The following PAQR5 variants were observed in gnomAD, a reference collection of about 807,000 sequenced individuals.
PAQR5 encodes the protein membrane progestin receptor gamma.
PAQR5 carries 20 observed loss-of-function variants against 34.5 expected under a neutral mutation model. The ratio of observed to expected loss-of-function variants is 0.58; its 90% CI spans 0.41 to 0.84. The LOEUF (loss-of-function observed/expected upper bound fraction) is 0.84. Ranked by LOEUF, PAQR5 falls within the 40% of genes least tolerant of loss-of-function variation. The pLI, the probability that PAQR5 is intolerant of heterozygous loss-of-function variation, is 0.00. For synonymous variants in PAQR5, 131 were observed against 155.6 expected (o/e 0.84, Z 1.18); for missense variants, 378 against 412.7 (o/e 0.92, Z 0.73).
intron 2 of PAQR5, among the ~76,000 whole-genome samples, chr15:69,338,750 T>A (rs1329789606): frequency 1.3e-5 from 2 of 152,350 alleles, no homozygotes; most frequent in Middle Eastern, 3.4e-3. Context: ...ACTGACTCCA[T>A]CTTGCTTCTA....
At chr15:69,349,646 T>A (rs781244196) in intron 2 of PAQR5, among the ~76,000 whole-genome samples, 7 of 151,812 alleles carry the variant, frequency 4.6e-5, no homozygotes, top group Non-Finnish European at 5.9e-5. Flanking sequence ...TTTTATTTTT[T>A]TTTTTATTTT....
rs1023030266 is a variant in PAQR5, at chr15:69,385,374, C to T, written c.385+492C>T. Among the ~76,000 whole-genome samples the T allele has an allele frequency of 6.6e-6, 1 of 152,176 alleles. No individual in the cohort carries two copies. Among genetic ancestry groups the T allele is most frequent in the Non-Finnish European group, 1.5e-5 (1 of 68,036 alleles). ...CTCACAGGCCAGAATGAACTGACTCCAGTACATCAGTGCTGGTCTCTGTCA... is the reference window on the plus strand; with the variant it reads ...CTCACAGGCCAGAATGAACTGACTCTAGTACATCAGTGCTGGTCTCTGTCA... On this transcript the variant is annotated intron_variant, in intron 5 of 8. Coordinates refer to ENST00000395407, the MANE Select transcript of PAQR5 (RefSeq NM_017705.4). This position sits in a 1 kb window ranked among gnomAD's most constrained non-coding sequence, Gnocchi z 4.7.
chr15:69,311,762 C>T (rs2053839011), intron 1 of PAQR5, among the ~76,000 whole-genome samples: 2 of 152,238 alleles, frequency 1.3e-5, no homozygotes, highest in Non-Finnish European at 2.9e-5. Flanking sequence ...TGGTGATTCC[C>T]CTGCAGCCAC....
At chr15:69,395,787 G>GA (rs569256282) in intron 6 of PAQR5, among the ~76,000 whole-genome samples, 1 of 152,192 alleles carries the variant, frequency 6.6e-6, no homozygotes, top group South Asian at 2.1e-4. Context: ...TTTCGGGGGG[G>GA]ATGATGCATC....
intron 1 of PAQR5, among the ~76,000 whole-genome samples, chr15:69,332,528 C>CTT (rs1312705679): frequency 6.6e-6 from 1 of 152,098 alleles, no homozygotes; most frequent in Non-Finnish European, 1.5e-5. Context: ...CTCTAGGCTC[C>CTT]TTCTGGGGAG....
intron 3 of PAQR5, among the ~76,000 whole-genome samples, chr15:69,366,527 A>G (rs1243678185): frequency 1.3e-5 from 2 of 152,158 alleles, no homozygotes; most frequent in Non-Finnish European, 2.9e-5. Context: ...TGGAGTTTTT[A>G]TACTACTGAT....
intron 3 of PAQR5, among the ~76,000 whole-genome samples, chr15:69,371,716 G>A (rs2055567832): frequency 6.6e-6 from 1 of 152,028 alleles, no homozygotes; most frequent in Admixed American, 6.6e-5. Flanking sequence ...TGCATTTTAT[G>A]TGCGACTCCT....
chr15:69,391,016 C>T (rs1052100945), intron 6 of PAQR5, among the ~76,000 whole-genome samples: 2 of 152,132 alleles, frequency 1.3e-5, no homozygotes, highest in African/African-American at 4.8e-5. Flanking sequence ...CTGAATAGGG[C>T]CAAGGCTGGT....
At chr15:69,393,638 T>C (rs2056332107) in intron 6 of PAQR5, among the ~76,000 whole-genome samples, 1 of 151,988 alleles carries the variant, frequency 6.6e-6, no homozygotes, top group South Asian at 2.1e-4. Flanking sequence ...CCGGCTGCAG[T>C]TGGGCAGGAG....
chr15:69,389,889 T>C, intron 6 of PAQR5, 109 bp downstream of exon 6: 1 of 1,335,860 alleles, frequency 7.5e-7, no homozygotes, highest in East Asian at 2.3e-5. Context: ...AAAAGGTGCT[T>C]GGGAACCTAG....
intron 2 of PAQR5, among the ~76,000 whole-genome samples, chr15:69,357,254 GTGTTTGTT>G (rs3084830): frequency 6.7e-6 from 1 of 149,482 alleles, no homozygotes; most frequent in African/African-American, 2.5e-5. Flanking sequence ...CAGTCTCAGG[GTGTTTGTT>G]TGTTTGTTTG....
chr15:69,352,352 C>T lies in PAQR5; in HGVS notation c.-115-7614C>T, dbSNP rs74379741. On this transcript the variant is annotated intron_variant, in intron 2 of 8. Transcript: ENST00000395407. The stretch of plus-strand genomic sequence containing the variant: ...ATGAACTGAATGTTATCTGATCCAC[C>T]AAGCCATAAAGTTGGGCATGCACAG... Among the ~76,000 whole-genome samples the T allele has an allele frequency of 6.0e-3, 921 of 152,288 alleles. 17 individuals are homozygous for T. Among genetic ancestry groups the T allele is most frequent in the African/African-American group, 0.021 (882 of 41,566 alleles).
At chr15:69,322,814 A>AGAG (rs2054156744) in intron 1 of PAQR5, among the ~76,000 whole-genome samples, 2 of 142,594 alleles carry the variant, frequency 1.4e-5, no homozygotes, top group Admixed American at 7.2e-5. Context: ...AGGAAGAGGA[A>AGAG]GAAGAAGAAG....
At chr15:69,361,793 G>A (rs1267183637) in intron 3 of PAQR5, among the ~76,000 whole-genome samples, 1 of 152,134 alleles carries the variant, frequency 6.6e-6, no homozygotes, top group Non-Finnish European at 1.5e-5. Flanking sequence ...ATTTGAATGG[G>A]GACACAGAGC....
intron 1 of PAQR5, among the ~76,000 whole-genome samples, chr15:69,304,385 G>A (rs1008083570): frequency 6.6e-6 from 1 of 152,248 alleles, no homozygotes; most frequent in African/African-American, 2.4e-5. Flanking sequence ...CAGCTCTGAT[G>A]CCCTGGTGTC....
chr15:69,307,299 T>C (rs1358424728), intron 1 of PAQR5, among the ~76,000 whole-genome samples: 1 of 152,218 alleles, frequency 6.6e-6, no homozygotes, highest in African/African-American at 2.4e-5. Flanking sequence ...TCTGTTTGTG[T>C]CCCTGCTCTC....
chr15:69,339,205 T>G (rs1172152180), intron 2 of PAQR5, among the ~76,000 whole-genome samples: 1 of 134,452 alleles, frequency 7.4e-6, no homozygotes, highest in Non-Finnish European at 1.6e-5. Context: ...CCTTAAAAAC[T>G]CTGCTCCTCA....
chr15:69,372,771 C>T lies in PAQR5; in HGVS notation c.52-7112C>T, dbSNP rs541546779. On this transcript the variant is annotated intron_variant, in intron 3 of 8. Transcript: ENST00000395407. ...TTAATTGAAAGCCCAATCACTTCTC[C>T]TAGTAAGCAATTCAAACCACATGCC... Among the ~76,000 whole-genome samples the T allele has an allele frequency of 2.4e-3, 361 of 152,212 alleles. 2 individuals are homozygous for T. The highest frequency in any genetic ancestry group is 8.3e-3 in the African/African-American group (345 of 41,556).
rs2056736117 is a variant in PAQR5 at position 69,405,183 on chromosome 15, A to G, written c.*1361A>G. The G allele has an allele frequency of 2.6e-6, 1 of 390,008 alleles. No individual in the cohort carries two copies. 24.2% of individuals were successfully genotyped at this position (390,008 alleles called of 1,614,324 possible). A position where few individuals can be genotyped will look rare whatever the true frequency, so the allele number is the denominator to read the frequency against. On this transcript the variant is annotated 3_prime_UTR_variant, in exon 9 of 9. Coordinates refer to ENST00000395407, the MANE Select transcript of PAQR5 (RefSeq NM_017705.4). ...GAACACAGAAATGCGGATGCAAAAC[A>G]ACTTTTGACAGAGGCCCATCAAACC...
Sources: allele counts gnomAD v4.1 joint callset (sites outside exome capture counted in the v4.1 genomes callset), GRCh38; gene constraint gnomAD v4.1.1; non-coding constraint Gnocchi (gnomAD v3.1); transcripts MANE v1.5; gene names NCBI Gene and HGNC (gene_info 2026-07-23, HGNC 2026-07-21).